SEPTIN11: variants seen among roughly 807,000 people sequenced by gnomAD.
The protein encoded by SEPTIN11 is septin 11, also known as septin-11.
In SEPTIN11, 25 loss-of-function variants were observed where a neutral mutation model predicts 51.4. The ratio of observed to expected loss-of-function variants is 0.49; its 90% CI spans 0.35 to 0.68. SEPTIN11 has a LOEUF of 0.68. Ranked by LOEUF, SEPTIN11 falls within the 30% of genes least tolerant of loss-of-function variation. The pLI is 0.00. For missense variants in SEPTIN11, 381 were observed against 520.8 expected (o/e 0.73, Z 2.61); for synonymous variants, 174 against 184.1 (o/e 0.95, Z 0.44).
At chr4:76,958,625 A>G (rs1016650703) in intron 1 of SEPTIN11, among the ~76,000 whole-genome samples, 1 of 152,190 alleles carries the variant, frequency 6.6e-6, no homozygotes, top group African/African-American at 2.4e-5. Flanking sequence ...TTTGTAATAT[A>G]CTAAGCTACT....
At chr4:77,004,639 C>T (rs563405996) in intron 2 of SEPTIN11, among the ~76,000 whole-genome samples, 1 of 152,266 alleles carries the variant, frequency 6.6e-6, no homozygotes, top group Non-Finnish European at 1.5e-5. Context: ...ACAGTAGTAC[C>T]TATTTCATGG....
downstream of SEPTIN11, chr4:77,038,977 G>A: frequency 4.8e-6 from 4 of 837,032 alleles, no homozygotes; most frequent in South Asian, 4.2e-5. Context: ...ACACACTGCT[G>A]TTCTTTCACA....
chr4:77,028,221 G>C (rs1726321689), intron 7 of SEPTIN11, among the ~76,000 whole-genome samples: 1 of 152,192 alleles, frequency 6.6e-6, no homozygotes, highest in Admixed American at 6.5e-5. Context: ...TCTAAGAACA[G>C]CCGGTTACTT....
At chr4:77,015,651 T>C (rs1725168918) in intron 5 of SEPTIN11, among the ~76,000 whole-genome samples, 1 of 152,230 alleles carries the variant, frequency 6.6e-6, no homozygotes, top group East Asian at 1.9e-4. Flanking sequence ...GCAATGACTC[T>C]GCACATCTTT....
chr4:77,002,447 A>G (rs1043911425), intron 2 of SEPTIN11, among the ~76,000 whole-genome samples: 2 of 152,204 alleles, frequency 1.3e-5, no homozygotes, highest in Non-Finnish European at 2.9e-5. Flanking sequence ...GTCACTTTCT[A>G]CTGACAGAGC....
At chr4:76,977,944 A>C (rs1722578640) in intron 1 of SEPTIN11, among the ~76,000 whole-genome samples, 1 of 152,206 alleles carries the variant, frequency 6.6e-6, no homozygotes. Flanking sequence ...TATGTTAGTC[A>C]TGTGGTTTTA....
chr4:76,974,638 C>T (rs1375605571), intron 1 of SEPTIN11: 3 of 407,194 alleles, frequency 7.4e-6, no homozygotes, highest in Non-Finnish European at 1.5e-5. Context: ...TCAGTCGTTT[C>T]ACACTGCCAA....
At chr4:76,962,291 GA>G (rs1216922354) in intron 1 of SEPTIN11, among the ~76,000 whole-genome samples, 1 of 152,216 alleles carries the variant, frequency 6.6e-6, no homozygotes, top group Non-Finnish European at 1.5e-5. Context: ...AATTGTGAAT[GA>G]ATGTATGTTT....
intron 1 of SEPTIN11, among the ~76,000 whole-genome samples, chr4:76,951,468 G>C (rs1463336397): frequency 6.6e-6 from 1 of 152,102 alleles, no homozygotes; most frequent in Non-Finnish European, 1.5e-5. Flanking sequence ...TAGTCTCTGG[G>C]CTAGTCGTTT....
rs909341187 is a variant in SEPTIN11, at chr4:77,024,690, T to A, written c.954-3939T>A. ...GGTCCAGGCCCCAGAGACTCACTTG[T>A]TTTTAGGAGTGCCTGGGCCTCTGTA... is the stretch of plus-strand genomic sequence containing the variant. On this transcript the variant is annotated intron_variant, in intron 7 of 9. Transcript: ENST00000264893. The surrounding 1 kb of genome is among the most constrained non-coding windows in gnomAD (Gnocchi z 4.2). Among the ~76,000 whole-genome samples the A allele has an allele frequency of 6.6e-6, 1 of 152,112 alleles. No individual in the cohort carries two copies. Among genetic ancestry groups the A allele is most frequent in the African/African-American group, 2.4e-5 (1 of 41,420 alleles).
chr4:77,011,666 T>G, intron 3 of SEPTIN11, 69 bp from the exon 4 acceptor site: 2 of 1,429,076 alleles, frequency 1.4e-6, no homozygotes, highest in Non-Finnish European at 2.0e-6. Context: ...GAAGCCATTG[T>G]GATGTTGAAT....
At chr4:76,972,481 A>C (rs1390708396) in intron 1 of SEPTIN11, 1 of 152,258 alleles carries the variant, frequency 6.6e-6, no homozygotes, top group African/African-American at 2.4e-5. Context: ...AACTCAAAGA[A>C]AGCAAACAGC....
intron 1 of SEPTIN11, among the ~76,000 whole-genome samples, chr4:76,957,718 A>G (rs528878828): frequency 3.3e-5 from 5 of 152,068 alleles, no homozygotes; most frequent in Non-Finnish European, 5.9e-5. Flanking sequence ...TGAACCACAC[A>G]GGCTTCCCAT....
At chr4:76,997,634 AG>A (rs1322012445) in intron 2 of SEPTIN11, among the ~76,000 whole-genome samples, 1 of 152,192 alleles carries the variant, frequency 6.6e-6, no homozygotes. Flanking sequence ...GAGAGAACAC[AG>A]CCAACTCTCA....
At chr4:76,960,518 T>A (rs559069696) in intron 1 of SEPTIN11, among the ~76,000 whole-genome samples, 1 of 152,284 alleles carries the variant, frequency 6.6e-6, no homozygotes, top group East Asian at 1.9e-4. Flanking sequence ...GCTCCAAAGC[T>A]GACATTTAAG....
intron 3 of SEPTIN11, among the ~76,000 whole-genome samples, chr4:77,010,347 C>T (rs992482724): frequency 1.3e-5 from 2 of 151,922 alleles, no homozygotes; most frequent in East Asian, 3.9e-4. Context: ...CAATATATGT[C>T]TATATTTCAA....
chr4:76,975,660 A>G (rs1204064467), intron 1 of SEPTIN11, among the ~76,000 whole-genome samples: 1 of 152,172 alleles, frequency 6.6e-6, no homozygotes, highest in Admixed American at 6.5e-5. Context: ...TGGTTGAAGT[A>G]CCTGAAGATC....
intron 1 of SEPTIN11, among the ~76,000 whole-genome samples, chr4:76,951,180 C>G (rs1459973500): frequency 1.3e-5 from 2 of 152,186 alleles, no homozygotes; most frequent in African/African-American, 4.8e-5. Flanking sequence ...CCCAGATACG[C>G]GCGCCTTTTG....
chr4:76,957,293 A>G (rs1328002537), intron 1 of SEPTIN11, among the ~76,000 whole-genome samples: 1 of 152,006 alleles, frequency 6.6e-6, no homozygotes, highest in Non-Finnish European at 1.5e-5. Flanking sequence ...ATGTCCCTAA[A>G]TGCAGATGAA....
Sources: allele counts gnomAD v4.1 joint callset (sites outside exome capture counted in the v4.1 genomes callset), GRCh38; gene constraint gnomAD v4.1.1; non-coding constraint Gnocchi (gnomAD v3.1); transcripts MANE v1.5; gene names NCBI Gene and HGNC (gene_info 2026-07-23, HGNC 2026-07-21).